KIF15: variants seen among roughly 807,000 people sequenced by gnomAD.
The protein encoded by KIF15 is kinesin-like protein KIF15.
A neutral mutation model predicts 190.6 loss-of-function variants in KIF15; 140 were observed. That is an observed-to-expected ratio of 0.73 (90% confidence interval 0.64 to 0.84). The LOEUF (loss-of-function observed/expected upper bound fraction) is 0.84, where lower values mean the gene tolerates loss of function less well. KIF15 is among the 40% of genes least tolerant of loss of function. KIF15 has a pLI of 0.00. For synonymous variants in KIF15, 528 were observed against 551.3 expected, an observed-to-expected ratio of 0.96 and a Z score of 0.59; for missense variants, 1,372 against 1,584.4, an observed-to-expected ratio of 0.87 and a Z score of 2.28.
chr3:44,765,086 CAAT>C (rs1360933972), intron 1 of KIF15, among the ~76,000 whole-genome samples: 2 of 152,220 alleles, frequency 1.3e-5, no homozygotes, highest in East Asian at 3.8e-4. Context: ...TAGCACTTCT[CAAT>C]GATGTTTCCT....
Position 44,805,089 on chromosome 3 carries a change from T to A in KIF15, c.1750T>A (p.Leu584Ile). 6.2e-7 allele frequency: 1 copy of A among 1,613,940 alleles called. No individual in the cohort carries two copies. The highest frequency in any genetic ancestry group is 8.5e-7 in the Non-Finnish European group (1 of 1,179,952). The change falls in exon 15 of 35, where the codon TTA becomes ATA. Residue 584 changes from leucine (L) to isoleucine (I), a missense_variant. Leu to Ile is a conservative substitution (Grantham distance 5). Transcript: ENST00000326047. ...EPCLFANTEK[L>I]KAQLLQIQTE... is the part of the protein sequence containing the mutation. ...ATGTTTGTTTGCAAACACTGAGAAG[T>A]TAAAAGCACAACTCCTGCAAATTCA...
chr3:44,790,114 C>T lies in KIF15; in HGVS notation c.639+3540C>T, dbSNP rs368060822. 5.9e-5 allele frequency among the ~76,000 whole-genome samples: 9 copies of T among 152,142 alleles called. No individual in the cohort carries two copies. In the East Asian group the frequency reaches 1.7e-3, roughly 29 times the overall value. On this transcript the variant is annotated intron_variant, in intron 7 of 34. Transcript: ENST00000326047. ...AACAAACAATAACAAATATGGCGGG[C>T]TCACTGAGTACTTTCATACTGCATT... is the stretch of plus-strand genomic sequence containing the variant.
chr3:44,808,593 C>CT (rs1244748184), intron 16 of KIF15, among the ~76,000 whole-genome samples: 2,428 of 132,186 alleles, frequency 0.018, 43 homozygotes, highest in African/African-American at 0.052. Context: ...TATTGTTTTG[C>CT]TTTTTTTTTT....
At chr3:44,786,084 C>T (rs990713776) in intron 6 of KIF15, among the ~76,000 whole-genome samples, 1 of 152,070 alleles carries the variant, frequency 6.6e-6, no homozygotes, top group Non-Finnish European at 1.5e-5. Context: ...GGCGTGGTGG[C>T]GGGCACCTGT....
chr3:44,775,384 C>T lies in KIF15; in HGVS notation c.193C>T (p.Pro65Ser). The change falls in exon 3 of 35, where the codon CCT (proline) becomes TCT (serine). Residue 65 changes from proline (P) to serine (S), a missense_variant. Coordinates refer to ENST00000326047, the MANE Select transcript of KIF15 (RefSeq NM_020242.3). ...SSTSLRLHSN[P>S]EPKTFTFDHV... The stretch of plus-strand genomic sequence containing the variant: ...CACGAGTCTCCGGCTGCACTCCAAC[C>T]CTGAGCCCAAGACCTTCACGTTTGA... 1 of 1,614,058 alleles carries T rather than the reference C, an allele frequency of 6.2e-7. No individual in the cohort carries two copies. The highest frequency in any genetic ancestry group is 8.5e-7 in the Non-Finnish European group (1 of 1,179,964).
intron 12 of KIF15, 116 bp downstream of exon 12, chr3:44,801,642 C>A: frequency 2.1e-6 from 2 of 955,736 alleles, no homozygotes; most frequent in South Asian, 1.6e-5. Context: ...TAATGGAAGG[C>A]TATGAAAAAT....
intron 10 of KIF15, among the ~76,000 whole-genome samples, chr3:44,799,562 T>G (rs1707160072): frequency 7.3e-6 from 1 of 137,470 alleles, no homozygotes; most frequent in African/African-American, 2.8e-5. Flanking sequence ...ATTAATCAAC[T>G]TTTTTTTTTT....
chr3:44,812,369 C>A, intron 18 of KIF15, 80 bp downstream of exon 18: 1 of 976,884 alleles, frequency 1.0e-6, no homozygotes, highest in South Asian at 1.4e-5. Flanking sequence ...CAAGGATCCT[C>A]AAACATCCTT....
rs759814238 is a variant in KIF15, at chr3:44,801,985, G to A, written c.1509+11G>A. Reference sequence around the variant, plus strand: ...ACTCTGCGAGAACAAGTGAGTATACGGCATCTATAATATTTCTAAAAATAA... The same window carrying A: ...ACTCTGCGAGAACAAGTGAGTATACAGCATCTATAATATTTCTAAAAATAA... On this transcript the variant is annotated intron_variant, in intron 13 of 34. Coordinates refer to ENST00000326047, the MANE Select transcript of KIF15 (RefSeq NM_020242.3). 4 of 1,556,524 alleles carry A rather than the reference G, an allele frequency of 2.6e-6. No homozygotes were observed. The highest frequency in any genetic ancestry group is 2.3e-5 in the South Asian group (2 of 86,958).
intron 11 of KIF15, 98 bp from the exon 12 acceptor site, chr3:44,801,352 T>C: frequency 1.4e-6 from 1 of 689,754 alleles, no homozygotes; most frequent in Non-Finnish European, 2.5e-6. Context: ...TCTTTTAGAT[T>C]AGTTGAGAGC....
intron 5 of KIF15, among the ~76,000 whole-genome samples, chr3:44,783,001 T>G (rs1401350925): frequency 1.3e-5 from 2 of 152,064 alleles, no homozygotes; most frequent in African/African-American, 4.8e-5. Flanking sequence ...AATAAACAAA[T>G]AGGAAGTACA....
intron 26 of KIF15, among the ~76,000 whole-genome samples, chr3:44,831,254 C>T (rs1480763234): frequency 6.6e-6 from 1 of 152,148 alleles, no homozygotes; most frequent in East Asian, 1.9e-4. Flanking sequence ...CACACGTTCA[C>T]GCTGCCAAGC....
intron 3 of KIF15, among the ~76,000 whole-genome samples, chr3:44,777,011 T>TTG (rs1251081464): frequency 1.3e-5 from 2 of 150,330 alleles, no homozygotes; most frequent in Non-Finnish European, 3.0e-5. Flanking sequence ...TTTTTTTTTT[T>TTG]GTAAGAGATG....
At chr3:44,786,369 A>G (rs1706405420) in intron 6 of KIF15, 26 bp from the exon 7 acceptor site, 1 of 1,580,542 alleles carries the variant, frequency 6.3e-7, no homozygotes, top group Admixed American at 1.8e-5. Flanking sequence ...AAAATAATGT[A>G]TCTAAATGAG....
At chr3:44,816,108 C>T (rs1215182603) in intron 20 of KIF15, among the ~76,000 whole-genome samples, 1 of 151,832 alleles carries the variant, frequency 6.6e-6, no homozygotes, top group Non-Finnish European at 1.5e-5. Context: ...GAAATACTGA[C>T]AATAGTTTCA....
chr3:44,762,812 T>C (rs1157220387), intron 1 of KIF15, among the ~76,000 whole-genome samples: 1 of 152,198 alleles, frequency 6.6e-6, no homozygotes, highest in Non-Finnish European at 1.5e-5. Flanking sequence ...TTTTTGCATA[T>C]AAAATATTCC....
In KIF15 at chr3:44,810,885, C is replaced by G. The variant is rs1432257324; in HGVS notation, c.2011C>G (p.Arg671Gly). 8 of 1,613,794 alleles carry G rather than the reference C, an allele frequency of 5.0e-6. No individual in the cohort carries two copies. The Admixed American group carries it at 1.3e-4, about 27-fold the overall frequency. The change falls in exon 17 of 35, where the codon CGA (arginine) becomes GGA (glycine). Residue 671 changes from arginine (R) to glycine (G), a missense_variant. Transcript: ENST00000326047. ...AACCAAGGCCTACCAACTTCATTCC[C>G]GACCAGTACCAAAATTAAGCCCTGA... ...TPTKAYQLHS[R>G]PVPKLSPEMG...
rs1486123558 is a variant in KIF15 at position 44,779,815 on chromosome 3, CAG to C, written c.324-1067_324-1066del. On this transcript the variant is annotated intron_variant, in intron 4 of 34. Coordinates refer to ENST00000326047, the MANE Select transcript of KIF15 (RefSeq NM_020242.3). ...TGCCACTGCACTCCAGCCTGGGTGACAGAGTGAAAAAAAAAAAAAAAAAAAGG... is the reference window on the plus strand; with the variant it reads ...TGCCACTGCACTCCAGCCTGGGTGACAGTGAAAAAAAAAAAAAAAAAAAGG... Among the ~76,000 whole-genome samples the C allele has an allele frequency of 2.5e-4, 25 of 99,752 alleles. No individual in the cohort carries two copies. In the South Asian group the frequency reaches 9.2e-3, roughly 37 times the overall value. The allele number at this position is 99,752 out of a possible 152,430, so 65.4% of individuals were successfully genotyped here. A position where few individuals can be genotyped will look rare whatever the true frequency, so the allele number is the denominator to read the frequency against.
intron 7 of KIF15, among the ~76,000 whole-genome samples, chr3:44,788,098 C>T (rs1201616451): frequency 2.6e-5 from 4 of 152,230 alleles, no homozygotes; most frequent in Middle Eastern, 3.2e-3. Context: ...GGCAATCCAC[C>T]TGCCTTGGCC....
Sources: gnomAD v4.1 joint callset for allele counts (sites outside exome capture counted in the v4.1 genomes callset) on GRCh38, gnomAD v4.1.1 for gene constraint, MANE v1.5 for transcripts, NCBI Gene and HGNC (gene_info 2026-07-23, HGNC 2026-07-21) for gene names.